The following PHLDB2 variants were observed in gnomAD, a reference collection of about 807,000 sequenced individuals.
The protein encoded by PHLDB2 is pleckstrin homology like domain family B member 2.
Under a neutral mutation model 123.6 loss-of-function variants are expected in PHLDB2, and 71 were observed. The observed-to-expected ratio is 0.57, with a 90% CI of 0.47 to 0.70. The LOEUF (loss-of-function observed/expected upper bound fraction) is 0.70. Ranked by LOEUF, PHLDB2 falls within the 30% of genes least tolerant of loss-of-function variation. The pLI is 0.00. For synonymous variants in PHLDB2, 547 were observed against 541.6 expected (o/e 1.01, Z -0.14); for missense variants, 1,446 against 1,519.5 (o/e 0.95, Z 0.80).
chr3:111,853,572 C>A (rs1000326264), intron 2 of PHLDB2, among the ~76,000 whole-genome samples: 2 of 152,118 alleles, frequency 1.3e-5, no homozygotes, highest in African/African-American at 4.8e-5. Context: ...CATTAACACA[C>A]TGGCTCATAA....
At position 111,925,387 on chromosome 3, in the gene PHLDB2, C is replaced by T. The variant is rs114989026; in HGVS notation, c.2001+4968C>T. 4.7e-3 allele frequency among the ~76,000 whole-genome samples: 714 copies of T among 152,242 alleles called. 4 individuals are homozygous for T. Among genetic ancestry groups the T allele is most frequent in the African/African-American group, 0.015 (627 of 41,540 alleles). ...ATTACCCTTAGGGGTACCACTGTTA[C>T]GAACATCAATAACCCTGTTTCCATC... On this transcript the variant is annotated intron_variant, in intron 5 of 17. Coordinates refer to ENST00000431670, the MANE Select transcript of PHLDB2 (RefSeq NM_001134438.2).
At chr3:111,961,229 G>A (rs536333083) in intron 12 of PHLDB2, among the ~76,000 whole-genome samples, 1 of 152,340 alleles carries the variant, frequency 6.6e-6, no homozygotes, top group South Asian at 2.1e-4. Flanking sequence ...TACTTGGGAG[G>A]CTGAGGCAGG....
At position 111,932,370 on chromosome 3, in the gene PHLDB2, G is replaced by A; in HGVS notation, c.2103G>A (p.Arg701=). ...TGGACAATTGTCCTGAGTCCATGAG[G>A]GAACAGTTACAACAACAACTGAAGA... ...TQLDNCPESM[R]EQLQQQLKRD... is the part of the protein sequence containing the mutation. Residue 701 remains arginine (R), a synonymous_variant, in exon 6 of 18, where the codon AGG becomes AGA. Transcript: ENST00000431670. 3 of 1,550,836 alleles carry A rather than the reference G, an allele frequency of 1.9e-6. No homozygotes were observed. Among genetic ancestry groups the A allele is most frequent in the South Asian group, 1.2e-5 (1 of 83,750 alleles).
intron 1 of PHLDB2, among the ~76,000 whole-genome samples, chr3:111,819,944 G>A (rs1324534357): frequency 6.6e-6 from 1 of 152,230 alleles, no homozygotes; most frequent in Non-Finnish European, 1.5e-5. Context: ...GGCATGGTAT[G>A]AAATGTCTTG....
chr3:111,831,673 G>T (rs1429306311), intron 1 of PHLDB2, among the ~76,000 whole-genome samples: 2 of 152,096 alleles, frequency 1.3e-5, no homozygotes, highest in East Asian at 3.8e-4. Flanking sequence ...GAGGCAGACA[G>T]GGATATCTAT....
At chr3:111,924,735 A>G (rs527995022) in intron 5 of PHLDB2, among the ~76,000 whole-genome samples, 5 of 152,260 alleles carry the variant, frequency 3.3e-5, no homozygotes, top group Non-Finnish European at 5.9e-5. Flanking sequence ...TTAATAGTAC[A>G]TCCTGTAAGC....
intron 2 of PHLDB2, among the ~76,000 whole-genome samples, chr3:111,912,383 T>TA (rs1210959511): frequency 2.0e-5 from 3 of 152,220 alleles, no homozygotes; most frequent in Non-Finnish European, 4.4e-5. Flanking sequence ...TTTTAACAAA[T>TA]AAATTTTATT....
intron 1 of PHLDB2, chr3:111,778,329 A>T (rs1190051865): frequency 6.6e-6 from 1 of 152,086 alleles, no homozygotes; most frequent in Non-Finnish European, 1.5e-5. Flanking sequence ...GCCATCTACG[A>T]GCCAAGGAGA....
At chr3:111,798,225 C>G (rs1424573308) in intron 1 of PHLDB2, among the ~76,000 whole-genome samples, 1 of 151,736 alleles carries the variant, frequency 6.6e-6, no homozygotes, top group Non-Finnish European at 1.5e-5. Context: ...TAATTTACTC[C>G]CAAATTTTCT....
intron 12 of PHLDB2, chr3:111,956,924 T>A (rs758906855): frequency 8.5e-5 from 13 of 152,246 alleles, no homozygotes; most frequent in Non-Finnish European, 1.6e-4. Context: ...ATATTTTCAC[T>A]AACTCACATT....
chr3:111,880,858 C>G (rs1030107055), intron 1 of PHLDB2, among the ~76,000 whole-genome samples: 2 of 152,182 alleles, frequency 1.3e-5, no homozygotes, highest in African/African-American at 4.8e-5. Flanking sequence ...TCTGCTGCCT[C>G]TTGGTTAGCA....
intron 8 of PHLDB2, among the ~76,000 whole-genome samples, 182 bp from the exon 9 acceptor site, chr3:111,945,086 A>G (rs747486922): frequency 2.0e-5 from 3 of 152,250 alleles, no homozygotes; most frequent in African/African-American, 7.2e-5. Context: ...CATGCAGCAT[A>G]TCAGCTAGCA....
At chr3:111,903,017 A>G (rs1356778944) in intron 2 of PHLDB2, among the ~76,000 whole-genome samples, 1 of 152,214 alleles carries the variant, frequency 6.6e-6, no homozygotes, top group Non-Finnish European at 1.5e-5. Flanking sequence ...CTTCTGAGTA[A>G]TCATAATTTT....
chr3:111,774,016 A>C (rs1221321127), intron 1 of PHLDB2, among the ~76,000 whole-genome samples: 1 of 152,232 alleles, frequency 6.6e-6, no homozygotes, highest in East Asian at 1.9e-4. Context: ...ATCTGTATTC[A>C]GTATTAAGGT....
intron 13 of PHLDB2, 86 bp from the exon 14 acceptor site, chr3:111,966,506 TGTGTGTGTGTGTGTGTCTGGG>T (rs1243907118): frequency 1.3e-5 from 7 of 527,852 alleles, no homozygotes; most frequent in Admixed American, 3.8e-5. Context: ...ACCCCATGTG[TGTGTGTGTGTGTGTGTCTGGG>T]GTGTGTGTGT....
intron 2 of PHLDB2, chr3:111,911,829 C>A: frequency 1.2e-6 from 1 of 861,352 alleles, no homozygotes; most frequent in Non-Finnish European, 1.9e-6. Context: ...AAGTCAGATA[C>A]ACCTTAAATA....
At chr3:111,963,804 T>C (rs2071575861) in intron 13 of PHLDB2, among the ~76,000 whole-genome samples, 1 of 152,220 alleles carries the variant, frequency 6.6e-6, no homozygotes, top group Admixed American at 6.5e-5. Flanking sequence ...AGAAAAGATT[T>C]TTTAGTTTTT....
Position 111,974,524 on chromosome 3 carries a change from A to G in PHLDB2, c.3723A>G (p.Ile1241Met). Reference protein sequence around the residue: ...PEAMRIWMDVIVTGAEGYTHF... With the variant: ...PEAMRIWMDVMVTGAEGYTHF... ...CCATGCGGATCTGGATGGATGTTATAGTTACGGGGGCAGAAGGTTACACTC... is the reference window on the plus strand; with the variant it reads ...CCATGCGGATCTGGATGGATGTTATGGTTACGGGGGCAGAAGGTTACACTC... The change falls in exon 18 of 18, where the codon ATA (isoleucine) becomes ATG (methionine). Residue 1241 changes from isoleucine (I) to methionine (M), a missense_variant. Coordinates refer to ENST00000431670, the MANE Select transcript of PHLDB2 (RefSeq NM_001134438.2). 1 of 1,613,500 alleles carries G rather than the reference A, an allele frequency of 6.2e-7. No homozygotes were observed. The highest frequency in any genetic ancestry group is 2.2e-5 in the East Asian group (1 of 44,844).
intron 1 of PHLDB2, among the ~76,000 whole-genome samples, chr3:111,782,593 G>A (rs1053844459): frequency 1.3e-5 from 2 of 151,984 alleles, no homozygotes; most frequent in Non-Finnish European, 2.9e-5. Context: ...CATCACTTAT[G>A]CCAGAGATCC....
Sources: allele counts gnomAD v4.1 joint callset (sites outside exome capture counted in the v4.1 genomes callset), GRCh38; gene constraint gnomAD v4.1.1; transcripts MANE v1.5; gene names NCBI Gene and HGNC (gene_info 2026-07-23, HGNC 2026-07-21).